Variants in KRIT1 observed in about 807,000 individuals in gnomAD.
KRIT1 encodes KRIT1 ankyrin repeat containing.
A neutral mutation model predicts 95.8 loss-of-function variants in KRIT1; 45 were observed. The observed-to-expected ratio is 0.47, with a 90% CI of 0.37 to 0.60. The LOEUF is 0.60. KRIT1 is among the 20% of genes least tolerant of loss of function. The pLI, the probability that KRIT1 is intolerant of heterozygous loss-of-function variation, is 0.00. For synonymous variants in KRIT1, 282 were observed against 278.8 expected (o/e 1.01, Z -0.11); for missense variants, 788 against 877.5 (o/e 0.90, Z 1.29).
At chr7:92,219,999 G>C (rs984616655) in intron 14 of KRIT1, among the ~76,000 whole-genome samples, 1 of 152,208 alleles carries the variant, frequency 6.6e-6, no homozygotes. Context: ...TAATTTAGTA[G>C]CTCTAGCTTT....
intron 14 of KRIT1, among the ~76,000 whole-genome samples, chr7:92,221,584 ATTAAGT>A (rs1795159864): frequency 6.6e-6 from 1 of 152,248 alleles, no homozygotes; most frequent in African/African-American, 2.4e-5. Context: ...TCAGCCCTTT[ATTAAGT>A]TTATCCTTGA....
chr7:92,231,914 C>T (rs1460372361), intron 10 of KRIT1, among the ~76,000 whole-genome samples: 2 of 152,044 alleles, frequency 1.3e-5, no homozygotes, highest in African/African-American at 4.8e-5. Flanking sequence ...AAAATCTTTA[C>T]ATTTTTACAA....
At chr7:92,241,376 T>C (rs920517542) in intron 4 of KRIT1, among the ~76,000 whole-genome samples, 2 of 152,138 alleles carry the variant, frequency 1.3e-5, no homozygotes, top group Non-Finnish European at 2.9e-5. Flanking sequence ...GAGTGAGAAA[T>C]GGTAAGCCAC....
chr7:92,216,601 G>C (rs1794047833), intron 14 of KRIT1, among the ~76,000 whole-genome samples: 1 of 152,094 alleles, frequency 6.6e-6, no homozygotes, highest in Admixed American at 6.6e-5. Context: ...ATTCTTAGAA[G>C]ATGCACGTCA....
Position 92,206,797 on chromosome 7 carries a change from TATAAG to T in KRIT1, c.2026-5379_2026-5375del, listed in dbSNP as rs1478555065. On this transcript the variant is annotated intron_variant, in intron 17 of 18. Transcript: ENST00000394505. ...AAGAAACTCAGTGTGACTTAAGACA[TATAAG>T]ATAACAAAAGTACATAATCCTGGAA... 2.0e-5 allele frequency: 3 copies of T among 151,916 alleles called. No homozygotes were observed. In the East Asian group the frequency reaches 5.8e-4, roughly 29 times the overall value. 9.4% of individuals were successfully genotyped at this position (151,916 alleles called of 1,614,324 possible). A position where few individuals can be genotyped will look rare whatever the true frequency, so the allele number is the denominator to read the frequency against.
chr7:92,212,706 A>C (rs1272396923), intron 17 of KRIT1, among the ~76,000 whole-genome samples: 1 of 152,218 alleles, frequency 6.6e-6, no homozygotes, highest in Admixed American at 6.5e-5. Context: ...TCATTAGCCA[A>C]TCAGTCTATA....
intron 5 of KRIT1, among the ~76,000 whole-genome samples, chr7:92,238,206 CTGAT>C (rs1798829190): frequency 1.3e-5 from 2 of 152,168 alleles, no homozygotes; most frequent in African/African-American, 4.8e-5. Flanking sequence ...TTATTAAAAT[CTGAT>C]TGGGCTACAA....
At position 92,224,238 on chromosome 7, in the gene KRIT1, A is replaced by G. The variant is rs143076113; in HGVS notation, c.1255-1260T>C. ...CTGGAGAGGCTTAGGTAAATGGGTTATATCTGTTAGTATAAACCCTTTATC... is the reference window on the plus strand; with the variant it reads ...CTGGAGAGGCTTAGGTAAATGGGTTGTATCTGTTAGTATAAACCCTTTATC... On this transcript the variant is annotated intron_variant, in intron 12 of 18. Transcript: ENST00000394505. 6.2e-4 allele frequency among the ~76,000 whole-genome samples: 94 copies of G among 152,328 alleles called. 2 individuals carry two copies. In the Middle Eastern group the frequency reaches 0.024, roughly 39 times the overall value.
chr7:92,225,893 C>T, intron 11 of KRIT1, 66 bp from the exon 12 acceptor site: 1 of 840,510 alleles, frequency 1.2e-6, no homozygotes. Context: ...GGGAAAATGT[C>T]ATCCAATTAA....
Position 92,200,593 on chromosome 7 carries a change from C to T in KRIT1, c.*143G>A, listed in dbSNP as rs1211107456. The T allele has an allele frequency of 5.9e-6, 4 of 679,950 alleles. No homozygotes were observed. The African/African-American group carries it at 7.1e-5, about 12-fold the overall frequency. 42.1% of individuals were successfully genotyped at this position (679,950 alleles called of 1,614,324 possible). ...GTCTTGAACTCTGACTTCAGGTGAT[C>T]CGCCTGCCCCAGCCTCCCAAAGTGC... is the stretch of plus-strand genomic sequence containing the variant. On this transcript the variant is annotated 3_prime_UTR_variant, in exon 19 of 19. Transcript: ENST00000394505.
At position 92,222,965 on chromosome 7, in the gene KRIT1, C is replaced by T. The variant is rs778239873; in HGVS notation, c.1268G>A (p.Arg423Gln). 1.9e-6 allele frequency: 3 copies of T among 1,608,096 alleles called. No homozygotes were observed. The highest frequency in any genetic ancestry group is 1.1e-5 in the South Asian group (1 of 90,958). ...ATATGACCCATCCATTCTGTATATT[C>T]GAACTTTTTCATACTACAAGAAACG... ...EAINKPYEKV[R>Q]IYRMDGSYRS... The change falls in exon 13 of 19, where the codon CGA becomes CAA. Residue 423 changes from arginine (R) to glutamine (Q), a missense_variant. Arg to Gln is a conservative substitution (Grantham distance 43, BLOSUM62 1). Around this residue, in one of 3 missense-constraint regions of KRIT1, gnomAD observed 493 missense variants for 582.3 expected, o/e 0.85. Coordinates refer to ENST00000394505, the MANE Select transcript of KRIT1 (RefSeq NM_194454.3).
chr7:92,216,464 G>T (rs1410147252), intron 14 of KRIT1, among the ~76,000 whole-genome samples: 1 of 151,854 alleles, frequency 6.6e-6, no homozygotes, highest in Admixed American at 6.6e-5. Context: ...AGATCCCGGG[G>T]CTGGGAGGTA....
In KRIT1 at chr7:92,234,558, G is replaced by C. The variant is rs764960797; in HGVS notation, c.880C>G (p.Arg294Gly). The part of the protein sequence containing the change: ...RQWVDDFPLH[R>G]SACEGDSELL... ...TCTGAATCTCCTTCACAGGCGCTTC[G>C]GTGGAGAGGAAAATCATCTACCCAC... Residue 294 changes from arginine (R) to glycine (G), a missense_variant, in exon 10 of 19, where the codon CGA becomes GGA. Coordinates refer to ENST00000394505, the MANE Select transcript of KRIT1 (RefSeq NM_194454.3). The C allele has an allele frequency of 6.2e-7, 1 of 1,612,968 alleles. No individual in the cohort carries two copies. The highest frequency in any genetic ancestry group is 1.7e-5 in the Admixed American group (1 of 60,000).
chr7:92,227,829 T>C (rs1473055437), intron 10 of KRIT1, among the ~76,000 whole-genome samples: 7 of 152,016 alleles, frequency 4.6e-5, no homozygotes, highest in Admixed American at 3.9e-4. Flanking sequence ...CTGGCCAACA[T>C]GGTGAAACCC....
At chr7:92,224,799 T>A (rs1795882237) in intron 12 of KRIT1, among the ~76,000 whole-genome samples, 1 of 152,174 alleles carries the variant, frequency 6.6e-6, no homozygotes, top group Non-Finnish European at 1.5e-5. Context: ...ATGCTTTCAT[T>A]TAAAAATATA....
chr7:92,234,289 T>C (rs545773389), intron 10 of KRIT1, among the ~76,000 whole-genome samples, 160 bp downstream of exon 10: 17 of 152,262 alleles, frequency 1.1e-4, no homozygotes, highest in South Asian at 4.1e-4. Flanking sequence ...ATTCTGAACA[T>C]TGGCACATAT....
chr7:92,234,394 T>C (rs1161878599), intron 10 of KRIT1, 55 bp downstream of exon 10: 6 of 1,329,532 alleles, frequency 4.5e-6, no homozygotes, highest in Admixed American at 3.4e-5. Context: ...AGGACTAACA[T>C]TTATAATAAA....
intron 3 of KRIT1, among the ~76,000 whole-genome samples, chr7:92,243,498 G>A (rs1241480644): frequency 6.6e-6 from 1 of 152,148 alleles, no homozygotes; most frequent in African/African-American, 2.4e-5. Flanking sequence ...GTTCCCTACT[G>A]CTGCAACTCT....
At chr7:92,210,376 C>A (rs1414458959) in intron 17 of KRIT1, among the ~76,000 whole-genome samples, 1 of 152,030 alleles carries the variant, frequency 6.6e-6, no homozygotes, top group Admixed American at 6.6e-5. Flanking sequence ...AGAAATAAAT[C>A]CATGTATTTA....
Sources: gnomAD v4.1 joint callset for allele counts (sites outside exome capture counted in the v4.1 genomes callset) on GRCh38, gnomAD v4.1.1 for gene constraint, gnomAD v4.1.1 regional missense constraint, MANE v1.5 for transcripts, NCBI Gene and HGNC (gene_info 2026-07-23, HGNC 2026-07-21) for gene names.